Variants in DNAJC6 observed in about 807,000 individuals in gnomAD.
The protein encoded by DNAJC6 is DnaJ heat shock protein family (Hsp40) member C6.
Under a neutral mutation model 110.0 loss-of-function variants are expected in DNAJC6, and 34 were observed. That is an observed-to-expected ratio of 0.31 (90% CI 0.24 to 0.41). The LOEUF (loss-of-function observed/expected upper bound fraction) is 0.41. Among genes scored for constraint, DNAJC6 ranks in the 10% least tolerant of loss-of-function variants. DNAJC6 has a pLI of 1.00. For missense variants in DNAJC6, 1,031 were observed against 1,207.8 expected (o/e 0.85, Z 2.17); for synonymous variants, 406 against 437.2 (o/e 0.93, Z 0.89).
At chr1:65,282,426 C>T (rs1653882577) in intron 1 of DNAJC6, among the ~76,000 whole-genome samples, 1 of 152,138 alleles carries the variant, frequency 6.6e-6, no homozygotes, top group South Asian at 2.1e-4. Flanking sequence ...TCTGCCCTTC[C>T]CCCTTAAAGC....
In DNAJC6 at chr1:65,408,650, A is replaced by AAAAAGC. The variant is rs1646099488; in HGVS notation, c.2503_2508dup (p.Lys835_Ala836dup). 1 of 1,610,250 alleles carries AAAAAGC rather than the reference A, an allele frequency of 6.2e-7. No individual in the cohort carries two copies. On this transcript the variant is annotated inframe_insertion, in exon 17 of 19. Transcript: ENST00000371069. ...AAAAATTATATTGCAGAAGGGAAACAAAAAGCAGCTGATTTTGAAGACCTA... is the reference window on the plus strand; with the variant it reads ...AAAAATTATATTGCAGAAGGGAAACAAAAAGCAAAAGCAGCTGATTTTGAAGACCTA...
intron 1 of DNAJC6, among the ~76,000 whole-genome samples, chr1:65,335,395 T>C (rs1645326819): frequency 6.6e-6 from 1 of 152,008 alleles, no homozygotes; most frequent in African/African-American, 2.4e-5. Flanking sequence ...ATTACAGGCA[T>C]GAGCCACCAG....
At chr1:65,385,239 A>C (rs1332619011) in intron 6 of DNAJC6, among the ~76,000 whole-genome samples, 1 of 152,218 alleles carries the variant, frequency 6.6e-6, no homozygotes, top group Non-Finnish European at 1.5e-5. Flanking sequence ...TACAAAAGAT[A>C]ATCTGAAAAA....
At chr1:65,344,478 A>G (rs1474491788) in intron 1 of DNAJC6, among the ~76,000 whole-genome samples, 1 of 152,144 alleles carries the variant, frequency 6.6e-6, no homozygotes, top group Non-Finnish European at 1.5e-5. Context: ...CTAGTGTGCC[A>G]GGGAAATAAT....
At position 65,362,607 on chromosome 1, in the gene DNAJC6, A is replaced by T. The variant is rs187666905; in HGVS notation, c.194-2028A>T. 1.3e-3 allele frequency among the ~76,000 whole-genome samples: 203 copies of T among 152,308 alleles called. 1 individual carries two copies. The highest frequency in any genetic ancestry group is 8.0e-3 in the Admixed American group (123 of 15,298). Reference sequence around the variant, plus strand: ...GCATTTATTTAATCTTTCCCTATGGAGTAGGCACAATTTTTATCCCTATTT... The same window carrying T: ...GCATTTATTTAATCTTTCCCTATGGTGTAGGCACAATTTTTATCCCTATTT... On this transcript the variant is annotated intron_variant, in intron 1 of 18. Transcript: ENST00000371069.
chr1:65,399,032 C>G, intron 14 of DNAJC6, 151 bp downstream of exon 14: 1 of 759,244 alleles, frequency 1.3e-6, no homozygotes, highest in African/African-American at 1.7e-5. Flanking sequence ...AGAGCTTTTC[C>G]CAATGCACTT....
upstream of DNAJC6, among the ~76,000 whole-genome samples, chr1:65,306,151 G>A (rs1381867009): frequency 6.7e-6 from 1 of 150,324 alleles, no homozygotes; most frequent in Non-Finnish European, 1.5e-5. Context: ...GGGTTCAAGC[G>A]ATTCTCCTGC....
intron 5 of DNAJC6, among the ~76,000 whole-genome samples, chr1:65,380,916 G>GTTTGTTTTTT (rs1645813167): frequency 1.1e-5 from 1 of 93,566 alleles, no homozygotes; most frequent in African/African-American, 6.6e-5. Context: ...TTTTTGTTTT[G>GTTTGTTTTTT]TTTTGTTTTT....
At chr1:65,319,988 T>C (rs573848918) in intron 1 of DNAJC6, among the ~76,000 whole-genome samples, 1 of 152,350 alleles carries the variant, frequency 6.6e-6, no homozygotes, top group African/African-American at 2.4e-5. Flanking sequence ...CCATGCCATA[T>C]GCAGATGACT....
intron 1 of DNAJC6, among the ~76,000 whole-genome samples, chr1:65,353,034 C>T (rs1213588011): frequency 6.6e-6 from 1 of 152,124 alleles, no homozygotes; most frequent in Non-Finnish European, 1.5e-5. Flanking sequence ...AGTAGACCAT[C>T]AGTCCTCTGC....
intron 1 of DNAJC6, among the ~76,000 whole-genome samples, chr1:65,315,187 A>T (rs989896200): frequency 1.3e-5 from 2 of 152,158 alleles, no homozygotes; most frequent in Admixed American, 6.5e-5. Context: ...CTTAGTCTTA[A>T]TTTTCCTCTT....
At chr1:65,284,767 C>T (rs1270075581) in intron 1 of DNAJC6, among the ~76,000 whole-genome samples, 1 of 151,902 alleles carries the variant, frequency 6.6e-6, no homozygotes, top group Non-Finnish European at 1.5e-5. Flanking sequence ...CGGCTCACTG[C>T]AACCTCTGCC....
chr1:65,283,733 A>G (rs1021697816), intron 1 of DNAJC6, among the ~76,000 whole-genome samples: 1 of 152,112 alleles, frequency 6.6e-6, no homozygotes, highest in Non-Finnish European at 1.5e-5. Context: ...CTGCCAAACT[A>G]TTTTCCAGAG....
chr1:65,400,515 CCATTCTACT>C (rs2101627047), intron 14 of DNAJC6, among the ~76,000 whole-genome samples: 1 of 152,294 alleles, frequency 6.6e-6, no homozygotes, highest in South Asian at 2.1e-4. Context: ...CTGGTAACCA[CCATTCTACT>C]CTTTATTTCT....
At chr1:65,276,745 G>A (rs568934812) in intron 1 of DNAJC6, among the ~76,000 whole-genome samples, 3 of 152,258 alleles carry the variant, frequency 2.0e-5, no homozygotes, top group Non-Finnish European at 4.4e-5. Flanking sequence ...AATATCTGAA[G>A]GAGAAAACTC....
chr1:65,366,757 T>TA (rs1645650580), intron 4 of DNAJC6, among the ~76,000 whole-genome samples: 1 of 152,132 alleles, frequency 6.6e-6, no homozygotes, highest in South Asian at 2.1e-4. Flanking sequence ...ACTTACTCAC[T>TA]AAAAAAAGGC....
chr1:65,281,533 A>G (rs1653843546), intron 1 of DNAJC6, among the ~76,000 whole-genome samples: 1 of 152,096 alleles, frequency 6.6e-6, no homozygotes, highest in Admixed American at 6.5e-5. Flanking sequence ...GGCTGCCTTC[A>G]CTTAGCGTAG....
chr1:65,404,031 A>G (rs1184503096), intron 15 of DNAJC6, among the ~76,000 whole-genome samples: 1 of 152,240 alleles, frequency 6.6e-6, no homozygotes, highest in Non-Finnish European at 1.5e-5. Flanking sequence ...TATGTTCAGA[A>G]CAGAGTAAGC....
At chr1:65,303,711 A>G (rs1645011787) in intron 1 of DNAJC6, among the ~76,000 whole-genome samples, 1 of 152,044 alleles carries the variant, frequency 6.6e-6, no homozygotes, top group Admixed American at 6.6e-5. Flanking sequence ...GGCACGTGGC[A>G]CCATGCCCAG....
Sources: gnomAD v4.1 joint callset for allele counts (sites outside exome capture counted in the v4.1 genomes callset) on GRCh38, gnomAD v4.1.1 for gene constraint, MANE v1.5 for transcripts, NCBI Gene and HGNC (gene_info 2026-07-23, HGNC 2026-07-21) for gene names.